SLC16A10: variants seen among roughly 807,000 people sequenced by gnomAD.
SLC16A10 encodes solute carrier family 16 member 10, also known as monocarboxylate transporter 10.
SLC16A10 carries 27 observed loss-of-function variants against 40.0 expected under a neutral mutation model. The observed-to-expected ratio is 0.67, with a 90% CI of 0.50 to 0.93. SLC16A10 has a LOEUF of 0.93. Ranked by LOEUF, SLC16A10 falls within the 40% of genes least tolerant of loss-of-function variation. The pLI is 0.00. For synonymous variants in SLC16A10, 213 were observed against 249.8 expected (o/e 0.85, Z 1.39); for missense variants, 529 against 658.2 (o/e 0.80, Z 2.15).
intron 1 of SLC16A10, among the ~76,000 whole-genome samples, chr6:111,118,119 C>A (rs551461680): frequency 6.6e-6 from 1 of 152,264 alleles, no homozygotes; most frequent in Admixed American, 6.5e-5. Context: ...TGAAAGAATG[C>A]ACAACATAAT....
At chr6:111,215,414 TAA>T (rs34294985) in intron 4 of SLC16A10, among the ~76,000 whole-genome samples, 3,451 of 128,056 alleles carry the variant, frequency 0.027, 51 homozygotes, top group Non-Finnish European at 0.035. Context: ...GTACTGGTGT[TAA>T]AAAAAAAAAA....
chr6:111,154,266 T>G (rs1271041207), intron 1 of SLC16A10, among the ~76,000 whole-genome samples: 1 of 152,212 alleles, frequency 6.6e-6, no homozygotes, highest in Non-Finnish European at 1.5e-5. Context: ...TTTATATTAC[T>G]TCATTCCGCA....
Position 111,177,623 on chromosome 6 carries a change from A to G in SLC16A10, c.900A>G (p.Ile300Met). ...VTAYAVWAVG[I>M]PLALFGYFVP... ...CTTATGCAGTGTGGGCAGTTGGAAT[A>G]CCACTTGCACTTTTTGGATACTTTG... Residue 300 changes from isoleucine to methionine, a missense_variant, in exon 3 of 6, where the codon ATA becomes ATG. Transcript: ENST00000368851. 1 of 1,581,988 alleles carries G rather than the reference A, an allele frequency of 6.3e-7. No homozygotes were observed. The highest frequency in any genetic ancestry group is 2.2e-5 in the East Asian group (1 of 44,608).
At chr6:111,146,334 C>A (rs1054131722) in intron 1 of SLC16A10, among the ~76,000 whole-genome samples, 1 of 152,208 alleles carries the variant, frequency 6.6e-6, no homozygotes, top group East Asian at 1.9e-4. Flanking sequence ...CCCTCATACA[C>A]TGTGGATGGG....
rs372706701 is a variant in SLC16A10 at position 111,172,784 on chromosome 6, G to A, written c.433G>A (p.Ala145Thr). The change falls in exon 2 of 6, where the codon GCT (alanine) becomes ACT (threonine). Residue 145 changes from alanine (A) to threonine (T), a missense_variant. Ala to Thr is a moderately conservative substitution (Grantham distance 58, BLOSUM62 0). Coordinates refer to ENST00000368851, the MANE Select transcript of SLC16A10 (RefSeq NM_018593.5). ...FTDLFGCRKT[A>T]VVGAAVGFVG... is the part of the protein sequence containing the mutation. ...AGACCTATTTGGTTGTCGGAAAACA[G>A]CTGTCGTGGGTGCTGCTGTTGGATT... is the stretch of plus-strand genomic sequence containing the variant. The A allele has an allele frequency of 2.5e-6, 4 of 1,614,152 alleles. No individual in the cohort carries two copies. Among genetic ancestry groups the A allele is most frequent in the Non-Finnish European group, 3.4e-6 (4 of 1,180,012 alleles).
At chr6:111,100,988 C>CTATATATATATA (rs1390442093) in intron 1 of SLC16A10, among the ~76,000 whole-genome samples, 4 of 77,674 alleles carry the variant, frequency 5.1e-5, no homozygotes, top group African/African-American at 2.3e-4. Context: ...CTCTCTCTCT[C>CTATATATATATA]TCTCTATATA....
intron 1 of SLC16A10, among the ~76,000 whole-genome samples, chr6:111,161,095 C>A (rs1006918036): frequency 6.6e-6 from 1 of 151,754 alleles, no homozygotes; most frequent in African/African-American, 2.4e-5. Flanking sequence ...TGGTGGCACA[C>A]ACCTGTAGTC....
intron 1 of SLC16A10, among the ~76,000 whole-genome samples, chr6:111,153,386 T>C (rs547673293): frequency 4.6e-5 from 7 of 152,044 alleles, no homozygotes; most frequent in African/African-American, 1.7e-4. Flanking sequence ...AATACAAAAA[T>C]TAGCTGGGAG....
intron 1 of SLC16A10, among the ~76,000 whole-genome samples, chr6:111,129,845 G>A (rs1035108046): frequency 6.6e-6 from 1 of 152,218 alleles, no homozygotes; most frequent in Non-Finnish European, 1.5e-5. Context: ...AACTGATAGA[G>A]ACAATTGTTT....
chr6:111,104,325 G>A (rs1771243467), intron 1 of SLC16A10, among the ~76,000 whole-genome samples: 2 of 152,132 alleles, frequency 1.3e-5, no homozygotes, highest in Non-Finnish European at 1.5e-5. Context: ...GAGATTTGAG[G>A]GTCAGCCATG....
At position 111,094,105 on chromosome 6, in the gene SLC16A10, T is replaced by A. The variant is rs146486567; in HGVS notation, c.343+6010T>A. Reference sequence around the variant, plus strand: ...AGCCAAAATGAAAAGCATAACACATTTTTTCAGGAGCGATTTTGAGGTGTC... The same window carrying A: ...AGCCAAAATGAAAAGCATAACACATATTTTCAGGAGCGATTTTGAGGTGTC... On this transcript the variant is annotated intron_variant, in intron 1 of 5. Transcript: ENST00000368851. Among the ~76,000 whole-genome samples, 522 of 152,322 alleles carry A rather than the reference T, an allele frequency of 3.4e-3. 4 individuals are homozygous for A. Among genetic ancestry groups the A allele is most frequent in the African/African-American group, 0.012 (504 of 41,568 alleles).
chr6:111,215,059 C>G (rs749292943), intron 4 of SLC16A10, among the ~76,000 whole-genome samples: 4 of 151,906 alleles, frequency 2.6e-5, no homozygotes, highest in Non-Finnish European at 5.9e-5. Context: ...GCAGATCTTG[C>G]AGTGAGTCGA....
rs1162685856 is a variant in SLC16A10, at chr6:111,225,515, A to G, written c.*3280A>G. On this transcript the variant is annotated 3_prime_UTR_variant, in exon 6 of 6. Coordinates refer to ENST00000368851, the MANE Select transcript of SLC16A10 (RefSeq NM_018593.5). ...CAGTGAGGCGAGATTGCGCCACTGC[A>G]CTCCAGCCTGGGCGACAGAGCGAGA... 1 of 146,902 alleles carries G rather than the reference A, an allele frequency of 6.8e-6. No homozygotes were observed. 9.1% of individuals were successfully genotyped at this position (146,902 alleles called of 1,614,324 possible). A position where few individuals can be genotyped will look rare whatever the true frequency, so the allele number is the denominator to read the frequency against.
In SLC16A10 at chr6:111,222,909, C is replaced by T. The variant is rs879037989; in HGVS notation, c.*674C>T. On this transcript the variant is annotated 3_prime_UTR_variant, in exon 6 of 6. Coordinates refer to ENST00000368851, the MANE Select transcript of SLC16A10 (RefSeq NM_018593.5). ...GTTCAGAAATCATTTAAGTTTACAG[C>T]GTTGTTCCCTTTGCGTTTGCAGTGC... The T allele has an allele frequency of 2.0e-5, 3 of 152,190 alleles. No homozygotes were observed. The highest frequency in any genetic ancestry group is 2.9e-5 in the Non-Finnish European group (2 of 68,044). 9.4% of individuals were successfully genotyped at this position (152,190 alleles called of 1,614,324 possible). A position where few individuals can be genotyped will look rare whatever the true frequency, so the allele number is the denominator to read the frequency against.
At chr6:111,145,414 A>G (rs1362372019) in intron 1 of SLC16A10, among the ~76,000 whole-genome samples, 1 of 152,196 alleles carries the variant, frequency 6.6e-6, no homozygotes, top group African/African-American at 2.4e-5. Flanking sequence ...ATAAATAGAT[A>G]GATAATATAT....
intron 3 of SLC16A10, among the ~76,000 whole-genome samples, chr6:111,190,750 G>T (rs1772976091): frequency 6.6e-6 from 1 of 152,224 alleles, no homozygotes; most frequent in African/African-American, 2.4e-5. Flanking sequence ...GTGCAGCTAG[G>T]ATACAGTACA....
At chr6:111,112,245 G>A (rs1330486841) in intron 1 of SLC16A10, among the ~76,000 whole-genome samples, 1 of 151,616 alleles carries the variant, frequency 6.6e-6, no homozygotes, top group Non-Finnish European at 1.5e-5. Context: ...GTGTTGCCTA[G>A]GCTGGCCTCA....
At chr6:111,124,173 G>A (rs1435709550) in intron 1 of SLC16A10, among the ~76,000 whole-genome samples, 1 of 152,050 alleles carries the variant, frequency 6.6e-6, no homozygotes, top group Non-Finnish European at 1.5e-5. Flanking sequence ...GCAGGAAGTA[G>A]GTAAACTGCA....
chr6:111,222,434 C>G lies in SLC16A10; in HGVS notation c.*199C>G. 1.8e-6 allele frequency: 1 copy of G among 540,648 alleles called. No individual in the cohort carries two copies. Among genetic ancestry groups the G allele is most frequent in the Non-Finnish European group, 2.8e-6 (1 of 352,106 alleles). The allele number at this position is 540,648 out of a possible 1,614,324, so 33.5% of individuals were successfully genotyped here. ...TCTGATGTTTCCATGAGTCTGAGGG[C>G]AGAGACTCTGGTATATGAAAACGTC... On this transcript the variant is annotated 3_prime_UTR_variant, in exon 6 of 6. Transcript: ENST00000368851.
Sources: allele counts gnomAD v4.1 joint callset (sites outside exome capture counted in the v4.1 genomes callset), GRCh38; gene constraint gnomAD v4.1.1; transcripts MANE v1.5; gene names NCBI Gene and HGNC (gene_info 2026-07-23, HGNC 2026-07-21).